The following MSH5 variants were observed in gnomAD, a reference collection of about 807,000 sequenced individuals.
MSH5 encodes the protein mutS homolog 5, also known as mutS protein homolog 5.
A neutral mutation model predicts 107.7 loss-of-function variants in MSH5; 78 were observed. The ratio of observed to expected loss-of-function variants is 0.72; its 90% CI spans 0.60 to 0.87. MSH5 has a LOEUF of 0.87. Ranked by LOEUF, MSH5 falls within the 40% of genes least tolerant of loss-of-function variation. The pLI is 0.00. For missense variants in MSH5, 889 were observed against 1,046.6 expected, an observed-to-expected ratio of 0.85 and a Z score of 2.08; for synonymous variants, 326 against 399.5, an observed-to-expected ratio of 0.82 and a Z score of 2.19.
Position 31,759,126 on chromosome 6 carries a change from G to A in MSH5, c.1356G>A (p.Leu452=). 2 of 1,612,968 alleles carry A rather than the reference G, an allele frequency of 1.2e-6. No individual in the cohort carries two copies. Among genetic ancestry groups the A allele is most frequent in the East Asian group, 2.2e-5 (1 of 44,882 alleles). ...GCTTCCTTCTTTCTATTCCCCGCCT[G>A]CCTTCCATGGTAGAGGCCAGTGACT... ...LIGFLLSIPR[L]PSMVEASDFE... Residue 452 remains leucine, a synonymous_variant, in exon 16 of 25, where the codon CTG becomes CTA. Coordinates refer to ENST00000375750, the MANE Select transcript of MSH5 (RefSeq NM_172166.4). This position sits in a 1 kb window ranked among gnomAD's most constrained non-coding sequence, Gnocchi z 4.7.
At position 31,761,091 on chromosome 6, in the gene MSH5, G is replaced by A; in HGVS notation, c.1963-97G>A. 1 of 1,214,734 alleles carries A rather than the reference G, an allele frequency of 8.2e-7. No homozygotes were observed. Among genetic ancestry groups the A allele is most frequent in the Admixed American group, 2.0e-5 (1 of 48,992 alleles). The allele number at this position is 1,214,734 out of a possible 1,614,324, so 75.2% of individuals were successfully genotyped here. On this transcript the variant is annotated intron_variant, in intron 20 of 24. Coordinates refer to ENST00000375750, the MANE Select transcript of MSH5 (RefSeq NM_172166.4). This position sits in a 1 kb window ranked among gnomAD's most constrained non-coding sequence, Gnocchi z 5.3. ...CATTCAAGAACTTGCAGTGCAGTAG[G>A]GAGGGCATGTATACAGCTTTATTCA...
intron 3 of MSH5, 52 bp downstream of exon 3, chr6:31,741,338 C>A (rs774854873): frequency 2.2e-5 from 1 of 46,478 alleles, no homozygotes; most frequent in Non-Finnish European, 3.2e-5. Context: ...AGATGTGTTA[C>A]ACACACACAC....
intron 10 of MSH5, 93 bp downstream of exon 10, chr6:31,747,525 A>G (rs944438760): frequency 7.7e-7 from 1 of 1,297,636 alleles, no homozygotes; most frequent in Non-Finnish European, 1.1e-6. Context: ...ACAGATTCTC[A>G]CATACACCAC....
chr6:31,753,570 A>G lies in MSH5; in HGVS notation c.955A>G (p.Ile319Val), dbSNP rs146730825. The change falls in exon 12 of 25, where the codon ATT (isoleucine) becomes GTT (valine). Residue 319 changes from isoleucine to valine, a missense_variant. By Grantham distance (29) the Ile-to-Val change is conservative (BLOSUM62 3). Coordinates refer to ENST00000375750, the MANE Select transcript of MSH5 (RefSeq NM_172166.4). ...CTGTAACCTTGTCTGACTGTAGCTGATTCTGAAACGCATGAAGTTGTCCCA... is the reference window on the plus strand; with the variant it reads ...CTGTAACCTTGTCTGACTGTAGCTGGTTCTGAAACGCATGAAGTTGTCCCA... Reference protein sequence around the residue: ...LLGHIKNVPLILKRMKLSHTK... With the variant: ...LLGHIKNVPLVLKRMKLSHTK... The G allele has an allele frequency of 3.0e-5, 48 of 1,614,134 alleles. No individual in the cohort carries two copies. Among genetic ancestry groups the G allele is most frequent in the Non-Finnish European group, 3.8e-5 (45 of 1,180,034 alleles).
At chr6:31,762,362 G>A in intron 24 of MSH5, 58 bp from the exon 25 acceptor site, 1 of 1,405,120 alleles carries the variant, frequency 7.1e-7, no homozygotes, top group South Asian at 1.2e-5. Flanking sequence ...TCTCCCCTCT[G>A]CCCAGGGATT....
rs138185749 is a variant in MSH5, at chr6:31,750,043, C to G, written c.812+2611C>G. Among the ~76,000 whole-genome samples the G allele has an allele frequency of 1.3e-3, 199 of 152,228 alleles. 3 individuals carry two copies. In the East Asian group the frequency reaches 0.036, roughly 28 times the overall value. ...AGTGCTTCAGGTGCAGATCTTTAATCTCAGCCACAGATGGGAGGGAGAGAA... is the reference window on the plus strand; with the variant it reads ...AGTGCTTCAGGTGCAGATCTTTAATGTCAGCCACAGATGGGAGGGAGAGAA... On this transcript the variant is annotated intron_variant, in intron 10 of 24. Transcript: ENST00000375750.
intron 5 of MSH5, 172 bp downstream of exon 5, chr6:31,743,342 A>G (rs1809094010): frequency 1.5e-6 from 1 of 678,616 alleles, no homozygotes; most frequent in African/African-American, 1.8e-5. Context: ...CCTACCCTTT[A>G]ATAACCTGCA....
intron 5 of MSH5, 94 bp downstream of exon 5, chr6:31,743,264 C>A: frequency 7.5e-7 from 1 of 1,340,878 alleles, no homozygotes; most frequent in Non-Finnish European, 1.1e-6. Context: ...TCCCCTCTGC[C>A]TTATGTCATC....
At position 31,741,198 on chromosome 6, in the gene MSH5, G is replaced by A. The variant is rs1808840880; in HGVS notation, c.183G>A (p.Leu61=). The change falls in exon 3 of 25, where the codon TTG becomes TTA. Residue 61 remains leucine (L), a synonymous_variant. Transcript: ENST00000375750. ...GTGTGCTGTGGAATTCAGGATACTT[G>A]GGCATTGCCTACTATGATACTAGTG... ...HLCVLWNSGY[L]GIAYYDTSDS... 1.9e-6 allele frequency: 3 copies of A among 1,612,844 alleles called. No individual in the cohort carries two copies. Among genetic ancestry groups the A allele is most frequent in the African/African-American group, 1.3e-5 (1 of 74,954 alleles).
At chr6:31,756,579 A>G (rs977068571) in intron 12 of MSH5, 1 of 152,118 alleles carries the variant, frequency 6.6e-6, no homozygotes, top group Admixed American at 6.6e-5. Context: ...TTTATGTACT[A>G]TTTGGTTGCC....
Position 31,758,671 on chromosome 6 carries a change from C to T in MSH5, c.1216+51C>T. On this transcript the variant is annotated intron_variant, in intron 14 of 24. Transcript: ENST00000375750. The surrounding 1 kb of genome is among the most constrained non-coding windows in gnomAD (Gnocchi z 5.1). ...GTGAGCCCTGCGCAGTGATGGAGTACCATCCTTGGCAGGTGGTCACCACAG... is the reference window on the plus strand; with the variant it reads ...GTGAGCCCTGCGCAGTGATGGAGTATCATCCTTGGCAGGTGGTCACCACAG... The T allele has an allele frequency of 1.2e-6, 2 of 1,610,496 alleles. No individual in the cohort carries two copies. Among genetic ancestry groups the T allele is most frequent in the South Asian group, 1.1e-5 (1 of 90,990 alleles).
intron 10 of MSH5, among the ~76,000 whole-genome samples, chr6:31,750,838 C>G (rs1160782390): frequency 6.6e-6 from 1 of 152,054 alleles, no homozygotes; most frequent in Admixed American, 6.6e-5. Context: ...CACATGTTGG[C>G]TCTTATATAA....
Position 31,759,453 on chromosome 6 carries a change from G to A in MSH5, c.1436G>A (p.Arg479His), listed in dbSNP as rs751243553. 12 of 1,612,728 alleles carry A rather than the reference G, an allele frequency of 7.4e-6. No homozygotes were observed. Among genetic ancestry groups the A allele is most frequent in the Non-Finnish European group, 7.6e-6 (9 of 1,179,984 alleles). ...MFLSEEKLHY[R>H]SARTKELDAL... ...CTCTCAGAGGAGAAGCTGCACTATC[G>A]TAGTGCCCGAACCAAGGAGCTGGAT... The change falls in exon 17 of 25, where the codon CGT becomes CAT. Residue 479 changes from arginine (R) to histidine (H), a missense_variant. Transcript: ENST00000375750. The surrounding 1 kb of genome is among the most constrained non-coding windows in gnomAD (Gnocchi z 4.7).
At position 31,745,765 on chromosome 6, in the gene MSH5, GTTT is replaced by G. The variant is rs9279404; in HGVS notation, c.766+464_766+466del. On this transcript the variant is annotated intron_variant, in intron 9 of 24. Transcript: ENST00000375750. ...TCATATCTCAGTAAGTTGTGTCCAG[GTTT>G]TTTTTTTTTTTTTTTTTGATACAGA... Among the ~76,000 whole-genome samples the G allele has an allele frequency of 3.8e-4, 46 of 120,956 alleles. 1 individual carries two copies. Among genetic ancestry groups the G allele is most frequent in the African/African-American group, 9.7e-4 (28 of 28,722 alleles). 79.4% of individuals were successfully genotyped at this position (120,956 alleles called of 152,430 possible).
Position 31,743,923 on chromosome 6 carries a change from A to G in MSH5, c.435A>G (p.Gln145=). The change falls in exon 6 of 25, where the codon CAA becomes CAG. Residue 145 remains glutamine (Q), a synonymous_variant. Transcript: ENST00000375750. ...AAATAGGTCTGGAGATAAGCAAACA[A>G]CGCCTCCTTTCTGGAAACTACTCCT... ...SVDFGLEISK[Q]RLLSGNYSFI... is the part of the protein sequence containing the mutation. 1.2e-6 allele frequency: 2 copies of G among 1,613,282 alleles called. No homozygotes were observed. The highest frequency in any genetic ancestry group is 1.7e-6 in the Non-Finnish European group (2 of 1,179,994).
chr6:31,740,613 G>A lies in MSH5; in HGVS notation c.147G>A (p.Glu49=). 2 of 1,497,152 alleles carry A rather than the reference G, an allele frequency of 1.3e-6. No individual in the cohort carries two copies. Among genetic ancestry groups the A allele is most frequent in the Non-Finnish European group, 1.8e-6 (2 of 1,125,786 alleles). The allele number at this position is 1,497,152 out of a possible 1,614,324, so 92.7% of individuals were successfully genotyped here. A position where few individuals can be genotyped will look rare whatever the true frequency, so the allele number is the denominator to read the frequency against. Residue 49 remains glutamate, a splice_region_variant and synonymous_variant, in exon 2 of 25, where the codon GAG becomes GAA. Transcript: ENST00000375750. This position sits in a 1 kb window ranked among gnomAD's most constrained non-coding sequence, Gnocchi z 4.4. ...EEVEEEEELA[E]IHLCVLWNSG... is the part of the protein sequence containing the mutation. ...TCGAGGAGGAGGAGGAGCTGGCCGA[G>A]GTCTCTGAGGGGAGTAGAAACTTGA...
chr6:31,752,513 A>T (rs1581538203), intron 10 of MSH5, among the ~76,000 whole-genome samples: 2 of 152,332 alleles, frequency 1.3e-5, no homozygotes. Context: ...CGAGGTCAAG[A>T]GATCGAGATC....
intron 3 of MSH5, 71 bp downstream of exon 3, chr6:31,741,357 AC>A: frequency 7.3e-7 from 1 of 1,363,360 alleles, no homozygotes; most frequent in Non-Finnish European, 1.0e-6. Context: ...ACACACACAC[AC>A]ACACACACAC....
chr6:31,748,181 CAG>C (rs1809630700), intron 10 of MSH5, among the ~76,000 whole-genome samples: 1 of 152,136 alleles, frequency 6.6e-6, no homozygotes, highest in Admixed American at 6.5e-5. Flanking sequence ...AGCTCAAACT[CAG>C]AGCATCCAAA....
Sources: allele counts gnomAD v4.1 joint callset (sites outside exome capture counted in the v4.1 genomes callset), GRCh38; gene constraint gnomAD v4.1.1; non-coding constraint Gnocchi (gnomAD v3.1); transcripts MANE v1.5; gene names NCBI Gene and HGNC (gene_info 2026-07-23, HGNC 2026-07-21).